Variants in MYT1L observed in about 807,000 individuals in gnomAD.
The protein encoded by MYT1L is myelin transcription factor 1-like protein.
MYT1L carries 12 observed loss-of-function variants against 126.7 expected under a neutral mutation model. The ratio of observed to expected loss-of-function variants is 0.09; its 90% confidence interval spans 0.06 to 0.15. The LOEUF (loss-of-function observed/expected upper bound fraction) is 0.15. Among genes scored for constraint, MYT1L ranks in the 10% least tolerant of loss-of-function variants. The probability of loss-of-function intolerance (pLI) is 1.00; values close to 1 mark genes in which losing one functional copy is unlikely to be tolerated. For missense variants in MYT1L, 979 were observed against 1,585.2 expected, an observed-to-expected ratio of 0.62 and a Z score of 6.49; for synonymous variants, 541 against 604.2, an observed-to-expected ratio of 0.90 and a Z score of 1.53.
intron 21 of MYT1L, chr2:1,828,037 C>G (rs570810018): frequency 6.6e-6 from 1 of 152,388 alleles, no homozygotes; most frequent in Non-Finnish European, 1.5e-5. Context: ...GCAGCCCCAG[C>G]GTCTCTCCCT....
intron 21 of MYT1L, among the ~76,000 whole-genome samples, chr2:1,836,686 C>G (rs973333035): frequency 6.6e-6 from 1 of 151,628 alleles, no homozygotes; most frequent in African/African-American, 2.4e-5. Context: ...TTCCATCAGC[C>G]TGCACCCCAA....
At chr2:2,189,789 G>A (rs1572300495) in intron 2 of MYT1L, among the ~76,000 whole-genome samples, 2 of 151,708 alleles carry the variant, frequency 1.3e-5, no homozygotes, top group Admixed American at 1.3e-4. Flanking sequence ...CGCACGGGGA[G>A]AAGCTCGTTC....
Position 1,912,089 on chromosome 2 carries a change from A to G in MYT1L, c.1640T>C (p.Val547Ala). ...PPEILAMHES[V>A]LKCPTPGCTG... ...GCAGCCCGGAGTGGGGCACTTGAGG[A>G]CACTTTCATGCATGGCAAGGACTTG... is the stretch of plus-strand genomic sequence containing the variant. Residue 547 changes from valine to alanine, a missense_variant, in exon 12 of 25, where the codon GTC becomes GCC. By Grantham distance (64) the Val-to-Ala change is moderately conservative. Around this residue, in one of 12 missense-constraint regions of MYT1L, gnomAD observed 82 missense variants for 177.2 expected, o/e 0.46. Coordinates refer to ENST00000647738, the MANE Select transcript of MYT1L (RefSeq NM_001303052.2). This position sits in a 1 kb window ranked among gnomAD's most constrained non-coding sequence, Gnocchi z 4.3. The G allele has an allele frequency of 1.3e-6, 2 of 1,587,552 alleles. No individual in the cohort carries two copies. The highest frequency in any genetic ancestry group is 1.7e-6 in the Non-Finnish European group (2 of 1,161,494).
rs1235717252 is a variant in MYT1L, at chr2:2,274,733, G to A, written c.-421+9671C>T. Among the ~76,000 whole-genome samples the A allele has an allele frequency of 2.6e-5, 4 of 152,156 alleles. No individual in the cohort carries two copies. In the East Asian group the frequency reaches 7.7e-4, roughly 29 times the overall value. On this transcript the variant is annotated intron_variant, in intron 2 of 24. Coordinates refer to ENST00000647738, the MANE Select transcript of MYT1L (RefSeq NM_001303052.2). ...ATCACTTTGCACAGGAATCTTAATT[G>A]TAGACCTTGTAAAATGTCTCCTTAT...
At position 2,030,931 on chromosome 2, in the gene MYT1L, T is replaced by C. The variant is rs137955251; in HGVS notation, c.-158+23047A>G. On this transcript the variant is annotated intron_variant, in intron 4 of 24. Transcript: ENST00000647738. ...TTGATTCGGGTTTTAATAAAGTCCG[T>C]ATTAAATTTTGTCTAAAGCATTAGT... Among the ~76,000 whole-genome samples the C allele has an allele frequency of 8.4e-3, 1,272 of 152,320 alleles. 20 individuals are homozygous for C. The highest frequency in any genetic ancestry group is 0.029 in the African/African-American group (1,194 of 41,562).
At chr2:1,826,328 T>A (rs34808240) in intron 21 of MYT1L, among the ~76,000 whole-genome samples, 35 of 152,292 alleles carry the variant, frequency 2.3e-4, no homozygotes, top group Admixed American at 4.6e-4. Flanking sequence ...AGTGCTTTCA[T>A]TCAGCATCTG....
At chr2:1,841,558 G>A (rs1245232749) in intron 19 of MYT1L, 1 of 152,218 alleles carries the variant, frequency 6.6e-6, no homozygotes, top group African/African-American at 2.4e-5. Context: ...CAAGAAAGTT[G>A]GGAGACTGGG....
chr2:1,970,428 C>T (rs1287958905), intron 8 of MYT1L, among the ~76,000 whole-genome samples: 2 of 152,208 alleles, frequency 1.3e-5, no homozygotes, highest in Admixed American at 1.3e-4. Context: ...CTTTCAGCCC[C>T]AGCCCCCATC....
At chr2:2,190,768 A>G (rs919187797) in intron 2 of MYT1L, among the ~76,000 whole-genome samples, 9 of 152,134 alleles carry the variant, frequency 5.9e-5, no homozygotes, top group Admixed American at 4.6e-4. Flanking sequence ...GATCAAGCGT[A>G]TGGCAGGTTC....
intron 9 of MYT1L, among the ~76,000 whole-genome samples, chr2:1,924,120 C>T (rs1021488511): frequency 6.6e-6 from 1 of 152,084 alleles, no homozygotes; most frequent in Non-Finnish European, 1.5e-5. Flanking sequence ...GCTTGGTGAG[C>T]GGGTATAATG....
intron 8 of MYT1L, among the ~76,000 whole-genome samples, chr2:1,956,400 G>GTCTATCTATCTATCTA (rs1268235335): frequency 3.4e-5 from 2 of 58,044 alleles, no homozygotes; most frequent in Non-Finnish European, 6.0e-5. Context: ...CTTTCTATCT[G>GTCTATCTATCTATCTA]TCTGTCTATC....
chr2:2,009,609 T>C (rs1282794394), intron 4 of MYT1L, among the ~76,000 whole-genome samples: 2 of 152,226 alleles, frequency 1.3e-5, no homozygotes, highest in East Asian at 3.9e-4. Context: ...TGTGTAATCT[T>C]TGGGGTTTTC....
chr2:2,162,252 C>T (rs1286600477), intron 3 of MYT1L, among the ~76,000 whole-genome samples: 8 of 151,998 alleles, frequency 5.3e-5, no homozygotes, highest in Non-Finnish European at 8.8e-5. Context: ...ACAGTGCCTG[C>T]GGTCCACAGA....
intron 2 of MYT1L, among the ~76,000 whole-genome samples, chr2:2,283,682 T>C (rs2095480407): frequency 6.6e-6 from 1 of 152,204 alleles, no homozygotes; most frequent in African/African-American, 2.4e-5. Context: ...ACCTCAAACC[T>C]ACACGTGGTC....
chr2:2,198,921 T>G lies in MYT1L; in HGVS notation c.-420-25933A>C, dbSNP rs1379629072. Among the ~76,000 whole-genome samples, 7 of 152,070 alleles carry G rather than the reference T, an allele frequency of 4.6e-5. No homozygotes were observed. In the South Asian group the frequency reaches 1.5e-3, roughly 32 times the overall value. ...GTGAAAGACCAATTTCATGATACTG[T>G]GTATATATGCATTGAAACATCACAC... is the stretch of plus-strand genomic sequence containing the variant. On this transcript the variant is annotated intron_variant, in intron 2 of 24. Coordinates refer to ENST00000647738, the MANE Select transcript of MYT1L (RefSeq NM_001303052.2).
At chr2:2,111,633 A>G (rs56274423) in intron 3 of MYT1L, among the ~76,000 whole-genome samples, 1,924 of 152,370 alleles carry the variant, frequency 0.013, 38 homozygotes, top group African/African-American at 0.04. Context: ...TGACACACAG[A>G]AAGACAGGGC....
intron 3 of MYT1L, among the ~76,000 whole-genome samples, chr2:2,060,468 A>T (rs2070252539): frequency 1.3e-5 from 2 of 152,196 alleles, no homozygotes; most frequent in East Asian, 3.9e-4. Flanking sequence ...TTCAAGAATG[A>T]TCTATTACTT....
intron 2 of MYT1L, among the ~76,000 whole-genome samples, chr2:2,214,715 T>C (rs947215137): frequency 6.6e-6 from 1 of 152,090 alleles, no homozygotes. Context: ...CTTACAGAAA[T>C]ATGAAATGAA....
chr2:2,078,884 T>C (rs1346058560), intron 3 of MYT1L, among the ~76,000 whole-genome samples: 1 of 152,210 alleles, frequency 6.6e-6, no homozygotes, highest in East Asian at 1.9e-4. Context: ...TTTCCCCAAA[T>C]TCATATGTTG....
Sources: allele counts gnomAD v4.1 joint callset (sites outside exome capture counted in the v4.1 genomes callset), GRCh38; gene constraint gnomAD v4.1.1; regional missense constraint gnomAD v4.1.1; non-coding constraint Gnocchi (gnomAD v3.1); transcripts MANE v1.5; gene names NCBI Gene and HGNC (gene_info 2026-07-23, HGNC 2026-07-21).